Variants in LPXN observed in about 807,000 individuals in gnomAD.
LPXN encodes leupaxin.
A neutral mutation model predicts 45.6 loss-of-function variants in LPXN; 28 were observed. The ratio of observed to expected loss-of-function variants is 0.61; its 90% CI spans 0.45 to 0.84. The LOEUF is 0.84. LPXN is among the 40% of genes least tolerant of loss of function. The probability of loss-of-function intolerance (pLI) is 0.00; values close to 1 mark genes in which losing one functional copy is unlikely to be tolerated. For missense variants in LPXN, 459 were observed against 475.0 expected (o/e 0.97, Z 0.31); for synonymous variants, 166 against 169.9 (o/e 0.98, Z 0.18).
chr11:58,577,960 C>G, upstream of LPXN: 1 of 1,543,490 alleles, frequency 6.5e-7, no homozygotes, highest in Admixed American at 2.0e-5. Flanking sequence ...CCCAAGGACC[C>G]CATGGAACCA....
At chr11:58,549,678 T>C in intron 7 of LPXN, 108 bp downstream of exon 7, 1 of 812,678 alleles carries the variant, frequency 1.2e-6, no homozygotes, top group Admixed American at 2.2e-5. Context: ...ATGGGCACTT[T>C]GATAGTACTG....
intron 7 of LPXN, among the ~76,000 whole-genome samples, chr11:58,543,173 C>G (rs1853780630): frequency 6.6e-6 from 1 of 152,120 alleles, no homozygotes; most frequent in South Asian, 2.1e-4. Flanking sequence ...TCTCCTCCAC[C>G]AGAATACATT....
At chr11:58,571,663 C>CT (rs549063326) in intron 1 of LPXN, among the ~76,000 whole-genome samples, 6,445 of 132,864 alleles carry the variant, frequency 0.049, 283 homozygotes, top group African/African-American at 0.13. Context: ...AGTTTTTTTT[C>CT]TTTTTTTTTT....
chr11:58,567,565 TG>T (rs1292370416), intron 2 of LPXN, among the ~76,000 whole-genome samples: 3 of 152,186 alleles, frequency 2.0e-5, no homozygotes, highest in Middle Eastern at 3.2e-3. Flanking sequence ...AATGGGAAGG[TG>T]TGCTTCACAA....
chr11:58,575,519 T>C (rs1854857117), intron 1 of LPXN, among the ~76,000 whole-genome samples: 1 of 152,236 alleles, frequency 6.6e-6, no homozygotes, highest in South Asian at 2.1e-4. Context: ...GCCAAGAGTT[T>C]ATTCCGCGGT....
At chr11:58,578,141 C>T, upstream of LPXN, 1 of 1,466,702 alleles carries the variant, frequency 6.8e-7, no homozygotes, top group East Asian at 2.6e-5. Context: ...GGTACGCCAA[C>T]GCCCAGATAA....
At chr11:58,575,335 C>T (rs956044600) in intron 1 of LPXN, among the ~76,000 whole-genome samples, 2 of 152,096 alleles carry the variant, frequency 1.3e-5, no homozygotes, top group Non-Finnish European at 2.9e-5. Context: ...ACTTCTAGTC[C>T]GTCTTTTCTT....
chr11:58,561,850 T>C (rs1440242518), intron 3 of LPXN, among the ~76,000 whole-genome samples: 3 of 152,230 alleles, frequency 2.0e-5, no homozygotes, highest in African/African-American at 7.2e-5. Flanking sequence ...TATAAAATTC[T>C]ACATAAGAAA....
chr11:58,573,206 A>G (rs1213458613), intron 1 of LPXN, among the ~76,000 whole-genome samples: 1 of 150,688 alleles, frequency 6.6e-6, no homozygotes, highest in African/African-American at 2.4e-5. Flanking sequence ...AGACCGTGCC[A>G]TTGCACTCCA....
intron 4 of LPXN, among the ~76,000 whole-genome samples, chr11:58,552,949 G>T (rs1854093548): frequency 6.6e-6 from 1 of 152,152 alleles, no homozygotes; most frequent in Non-Finnish European, 1.5e-5. Flanking sequence ...GGGCAGAACT[G>T]GATGGCTAGG....
chr11:58,560,551 C>T (rs1036056662), intron 3 of LPXN, among the ~76,000 whole-genome samples: 3 of 152,110 alleles, frequency 2.0e-5, no homozygotes, highest in Non-Finnish European at 4.4e-5. Flanking sequence ...TACTCTTATG[C>T]AAACATTTTT....
chr11:58,554,614 A>G (rs1029608986), intron 4 of LPXN: 1 of 375,792 alleles, frequency 2.7e-6, no homozygotes, highest in Admixed American at 4.4e-5. Context: ...TTGAGATCAA[A>G]GTCTGTATTA....
Position 58,551,076 on chromosome 11 carries a change from T to G in LPXN, c.475A>C (p.Ile159Leu). The G allele has an allele frequency of 1.9e-6, 3 of 1,570,958 alleles. No homozygotes were observed. The highest frequency in any genetic ancestry group is 2.6e-6 in the Non-Finnish European group (3 of 1,159,976). Residue 159 changes from isoleucine (I) to leucine (L), a missense_variant, in exon 5 of 9, where the codon ATT becomes CTT. By Grantham distance (5) the Ile-to-Leu change is conservative. Transcript: ENST00000395074. ...KGHCASCQKPIAGKVIHALGQ... is the reference protein window; with the variant it reads ...KGHCASCQKPLAGKVIHALGQ... ...TCAGCCCATCTCACCTTCCCAGCAA[T>G]CGGTTTCTGGCAGGATGCACAATGG...
At chr11:58,554,522 C>T (rs1022104572) in intron 4 of LPXN, among the ~76,000 whole-genome samples, 13 of 152,166 alleles carry the variant, frequency 8.5e-5, no homozygotes, top group Non-Finnish European at 1.8e-4. Context: ...GTTTGCTCCA[C>T]ATATGTTTGC....
rs991231635 is a variant in LPXN, at chr11:58,565,308, C to T, written c.172-1107G>A. On this transcript the variant is annotated intron_variant, in intron 2 of 8. Coordinates refer to ENST00000395074, the MANE Select transcript of LPXN (RefSeq NM_004811.3). ...CAGTACTTTGGGTGGCTGAGGCAGGCGGATCACGAGGTCAGGAGATCGAGA... is the reference window on the plus strand; with the variant it reads ...CAGTACTTTGGGTGGCTGAGGCAGGTGGATCACGAGGTCAGGAGATCGAGA... Among the ~76,000 whole-genome samples, 21 of 151,812 alleles carry T rather than the reference C, an allele frequency of 1.4e-4. 1 individual carries two copies. The South Asian group carries it at 1.9e-3, about 14-fold the overall frequency.
chr11:58,550,089 T>G lies in LPXN; in HGVS notation c.544A>C (p.Lys182Gln), dbSNP rs771387487. The change falls in exon 6 of 9, where the codon AAA becomes CAA. Residue 182 changes from lysine to glutamine, a missense_variant. Lys to Gln is a moderately conservative substitution (Grantham distance 53). Transcript: ENST00000395074. ...AAGGGACTGGAGCCAATCTCTTCTT[T>G]GCAATGAGTACAGACAAAATGCTCA... ...HPEHFVCTHC[K>Q]EEIGSSPFFE... 9.3e-6 allele frequency: 15 copies of G among 1,614,178 alleles called. No homozygotes were observed. The highest frequency in any genetic ancestry group is 1.2e-5 in the Non-Finnish European group (14 of 1,180,034).
At chr11:58,576,736 T>C (rs184364158), upstream of LPXN, among the ~76,000 whole-genome samples, 1 of 152,366 alleles carries the variant, frequency 6.6e-6, no homozygotes, top group Non-Finnish European at 1.5e-5. Flanking sequence ...CTACTTACTA[T>C]AATTGCAAAG....
intron 7 of LPXN, among the ~76,000 whole-genome samples, chr11:58,548,592 T>C (rs1853944366): frequency 1.3e-5 from 2 of 152,220 alleles, no homozygotes; most frequent in South Asian, 2.1e-4. Flanking sequence ...ATGTTAACTT[T>C]AGAAAAAAAT....
chr11:58,559,594 A>G (rs1032092901), intron 3 of LPXN, among the ~76,000 whole-genome samples: 1 of 152,214 alleles, frequency 6.6e-6, no homozygotes, highest in Non-Finnish European at 1.5e-5. Context: ...TTATACTTCC[A>G]GCCTGGTGCA....
Sources: allele counts gnomAD v4.1 joint callset (sites outside exome capture counted in the v4.1 genomes callset), GRCh38; gene constraint gnomAD v4.1.1; transcripts MANE v1.5; gene names NCBI Gene and HGNC (gene_info 2026-07-23, HGNC 2026-07-21).